Variants in CLMN observed in about 807,000 individuals in gnomAD.
CLMN encodes the protein calmin (calponin-like, transmembrane).
Under a neutral mutation model 92.7 loss-of-function variants are expected in CLMN, and 57 were observed. That is an observed-to-expected ratio of 0.61 (90% CI 0.50 to 0.77). The LOEUF (loss-of-function observed/expected upper bound fraction) is 0.77, where lower values mean the gene tolerates loss of function less well. Ranked by LOEUF, CLMN falls within the 30% of genes least tolerant of loss-of-function variation. CLMN has a pLI of 0.00. For missense variants in CLMN, 1,158 were observed against 1,237.5 expected (o/e 0.94, Z 0.96); for synonymous variants, 466 against 470.6 (o/e 0.99, Z 0.13).
rs777591162 is a variant in CLMN, at chr14:95,187,635, C to T, written c.*3929G>A. 2 of 152,310 alleles carry T rather than the reference C, an allele frequency of 1.3e-5. No individual in the cohort carries two copies. The highest frequency in any genetic ancestry group is 2.9e-5 in the Non-Finnish European group (2 of 68,122). 9.4% of individuals were successfully genotyped at this position (152,310 alleles called of 1,614,324 possible). On this transcript the variant is annotated 3_prime_UTR_variant, in exon 13 of 13. Coordinates refer to ENST00000298912, the MANE Select transcript of CLMN (RefSeq NM_024734.4). ...CAGAGCAGCTCCAACTCAGGGACAC[C>T]AGGCACAGCAAAGGTTGAAGCAACT...
At chr14:95,270,080 C>T (rs900845653) in intron 1 of CLMN, among the ~76,000 whole-genome samples, 25 of 152,178 alleles carry the variant, frequency 1.6e-4, no homozygotes, top group Admixed American at 6.5e-5. Context: ...GGTCAGACAG[C>T]CAGGGAGGGG....
At chr14:95,265,507 T>C (rs898533861) in intron 1 of CLMN, among the ~76,000 whole-genome samples, 1 of 152,236 alleles carries the variant, frequency 6.6e-6, no homozygotes, top group African/African-American at 2.4e-5. Flanking sequence ...TCTCTGTATG[T>C]AGACTCATCC....
chr14:95,258,287 GGT>G (rs1050189332), intron 1 of CLMN, among the ~76,000 whole-genome samples: 10 of 150,568 alleles, frequency 6.6e-5, no homozygotes, highest in African/African-American at 1.7e-4. Flanking sequence ...GCGTGTGTGT[GGT>G]GTGTGTGTGG....
chr14:95,296,063 A>T (rs1214648049), intron 1 of CLMN: 1 of 152,260 alleles, frequency 6.6e-6, no homozygotes, highest in African/African-American at 2.4e-5. Flanking sequence ...GCGTTGTCTT[A>T]GTCTGTTTTA....
chr14:95,257,818 T>C (rs1414528920), intron 1 of CLMN, among the ~76,000 whole-genome samples: 4 of 152,242 alleles, frequency 2.6e-5, no homozygotes, highest in African/African-American at 9.6e-5. Context: ...GCTGAGCCTC[T>C]TCCCTGAGAG....
intron 9 of CLMN, 118 bp from the exon 10 acceptor site, chr14:95,196,812 G>A: frequency 2.2e-6 from 2 of 912,918 alleles, no homozygotes; most frequent in East Asian, 2.6e-5. Flanking sequence ...AATTCTGCCT[G>A]TTCCCTGATC....
At chr14:95,222,290 C>T (rs1010654229) in intron 3 of CLMN, 2 of 231,890 alleles carry the variant, frequency 8.6e-6, no homozygotes, top group African/African-American at 4.6e-5. Flanking sequence ...GGACAGTTAT[C>T]CCAGGTCGAA....
At chr14:95,192,346 T>C (rs1896581888) in intron 12 of CLMN, 2 of 152,270 alleles carry the variant, frequency 1.3e-5, no homozygotes, top group Admixed American at 6.5e-5. Context: ...TTTACCTTCC[T>C]GCTTTTATTT....
intron 1 of CLMN, among the ~76,000 whole-genome samples, chr14:95,305,623 G>C (rs1227176615): frequency 6.6e-6 from 1 of 152,174 alleles, no homozygotes; most frequent in Non-Finnish European, 1.5e-5. Context: ...GAAAACCAAG[G>C]AACAGAAATC....
At chr14:95,248,316 A>G (rs1165017749) in intron 1 of CLMN, among the ~76,000 whole-genome samples, 2 of 152,236 alleles carry the variant, frequency 1.3e-5, no homozygotes, top group African/African-American at 2.4e-5. Flanking sequence ...GAATTGGGAA[A>G]TTTTAAATAA....
rs772088020 is a variant in CLMN, at chr14:95,203,109, G to A, written c.2240C>T (p.Pro747Leu). 1.7e-5 allele frequency: 27 copies of A among 1,613,282 alleles called. No individual in the cohort carries two copies. Among genetic ancestry groups the A allele is most frequent in the South Asian group, 6.6e-5 (6 of 91,084 alleles). The part of the protein sequence containing the change: ...AAVLEAYVED[P>L]EDLKNEEMDL... ...CATTTCTTCATTTTTTAGATCCTCC[G>A]GGTCTTCTACATAAGCCTCCAAAAC... The change falls in exon 9 of 13, where the codon CCG (proline) becomes CTG (leucine). Residue 747 changes from proline to leucine, a missense_variant. Transcript: ENST00000298912.
intron 2 of CLMN, among the ~76,000 whole-genome samples, chr14:95,225,056 G>A (rs993194265): frequency 1.3e-5 from 2 of 151,646 alleles, no homozygotes; most frequent in African/African-American, 4.9e-5. Context: ...TTCAGAGGTC[G>A]ATTTACATGT....
chr14:95,307,974 C>T (rs777447413), intron 1 of CLMN, among the ~76,000 whole-genome samples: 9 of 152,208 alleles, frequency 5.9e-5, no homozygotes, highest in African/African-American at 2.2e-4. Flanking sequence ...CAGAGGTTTA[C>T]GTCAGCCTTA....
chr14:95,300,058 C>T (rs1016504935), intron 1 of CLMN, among the ~76,000 whole-genome samples: 6 of 152,238 alleles, frequency 3.9e-5, no homozygotes, highest in Non-Finnish European at 7.3e-5. Flanking sequence ...GAGCGAGACG[C>T]TCAATCAGGA....
chr14:95,222,922 G>A (rs1461542322), intron 3 of CLMN, among the ~76,000 whole-genome samples: 2 of 152,200 alleles, frequency 1.3e-5, no homozygotes, highest in Admixed American at 6.5e-5. Context: ...TGCTGGCTGA[G>A]CTATGGTTTG....
At chr14:95,215,544 G>T in intron 5 of CLMN, 97 bp downstream of exon 5, 1 of 979,658 alleles carries the variant, frequency 1.0e-6, no homozygotes, top group East Asian at 2.5e-5. Flanking sequence ...CATAAACTAA[G>T]CCTCACTGCC....
At chr14:95,297,561 C>G (rs8016709) in intron 1 of CLMN, among the ~76,000 whole-genome samples, 4,615 of 152,256 alleles carry the variant, frequency 0.03, 243 homozygotes, top group African/African-American at 0.11. Context: ...CATTTTTTGT[C>G]CTGATAATTT....
intron 3 of CLMN, chr14:95,222,321 A>G (rs1897570597): frequency 4.2e-6 from 1 of 240,430 alleles, no homozygotes; most frequent in East Asian, 1.2e-4. Context: ...AGAGAGAAAG[A>G]GAAAGAAAGA....
intron 2 of CLMN, among the ~76,000 whole-genome samples, chr14:95,227,087 G>A (rs1016035657): frequency 1.3e-5 from 2 of 152,144 alleles, no homozygotes; most frequent in Non-Finnish European, 2.9e-5. Flanking sequence ...TGGAGCTCCT[G>A]AGGCCAACGG....
Sources: allele counts gnomAD v4.1 joint callset (sites outside exome capture counted in the v4.1 genomes callset), GRCh38; gene constraint gnomAD v4.1.1; transcripts MANE v1.5; gene names NCBI Gene and HGNC (gene_info 2026-07-23, HGNC 2026-07-21).